PLEKHM3: variants seen among roughly 807,000 people sequenced by gnomAD.
The protein encoded by PLEKHM3 is pleckstrin homology domain-containing family M member 3.
A neutral mutation model predicts 81.8 loss-of-function variants in PLEKHM3; 45 were observed. The observed-to-expected ratio is 0.55, with a 90% confidence interval of 0.43 to 0.71. The LOEUF is 0.71. PLEKHM3 is among the 30% of genes least tolerant of loss of function. The pLI, the probability that PLEKHM3 is intolerant of heterozygous loss-of-function variation, is 0.00. For synonymous variants in PLEKHM3, 352 were observed against 356.4 expected, an observed-to-expected ratio of 0.99 and a Z score of 0.14; for missense variants, 788 against 924.3, an observed-to-expected ratio of 0.85 and a Z score of 1.91.
chr2:207,882,502 C>T (rs190487461), intron 6 of PLEKHM3, among the ~76,000 whole-genome samples: 27 of 151,680 alleles, frequency 1.8e-4, no homozygotes, highest in African/African-American at 6.5e-4. Flanking sequence ...ATCGCAGTTA[C>T]CCGGGAGGCT....
chr2:207,939,909 T>TA (rs1248303538), intron 4 of PLEKHM3, among the ~76,000 whole-genome samples: 1 of 152,168 alleles, frequency 6.6e-6, no homozygotes, highest in Non-Finnish European at 1.5e-5. Context: ...GCTAATTGCT[T>TA]AGGCAGCGTA....
chr2:207,828,305 C>T lies in PLEKHM3; in HGVS notation c.*14G>A, dbSNP rs374923594. On this transcript the variant is annotated 3_prime_UTR_variant, in exon 8 of 8. Coordinates refer to ENST00000427836, the MANE Select transcript of PLEKHM3 (RefSeq NM_001080475.3). ...TGTTGATTGGTGAATCCCTGGCCTTCGGGTCGGCTGGAGTCAGGTGTTCTG... is the reference window on the plus strand; with the variant it reads ...TGTTGATTGGTGAATCCCTGGCCTTTGGGTCGGCTGGAGTCAGGTGTTCTG... 70 of 1,600,222 alleles carry T rather than the reference C, an allele frequency of 4.4e-5. No individual in the cohort carries two copies. Among genetic ancestry groups the T allele is most frequent in the Non-Finnish European group, 5.4e-5 (63 of 1,172,000 alleles).
At chr2:207,883,081 C>T (rs933611794) in intron 6 of PLEKHM3, among the ~76,000 whole-genome samples, 2 of 152,262 alleles carry the variant, frequency 1.3e-5, no homozygotes, top group East Asian at 3.9e-4. Context: ...ATGCTCCACA[C>T]CTGTGACGTT....
At chr2:207,974,382 G>A (rs182106778) in intron 3 of PLEKHM3, among the ~76,000 whole-genome samples, 14 of 152,258 alleles carry the variant, frequency 9.2e-5, no homozygotes, top group Admixed American at 8.5e-4. Flanking sequence ...CAGAGCATGG[G>A]CAGTGCACAC....
At chr2:207,873,854 G>A (rs2092546944) in intron 6 of PLEKHM3, among the ~76,000 whole-genome samples, 1 of 152,196 alleles carries the variant, frequency 6.6e-6, no homozygotes, top group Non-Finnish European at 1.5e-5. Context: ...CCATTCCTGA[G>A]ATTAAATGAG....
intron 2 of PLEKHM3, among the ~76,000 whole-genome samples, chr2:207,995,014 A>G (rs1238368570): frequency 1.3e-5 from 2 of 152,180 alleles, no homozygotes; most frequent in African/African-American, 2.4e-5. Flanking sequence ...TGTATCACAG[A>G]ACTTAAAGCA....
intron 6 of PLEKHM3, among the ~76,000 whole-genome samples, chr2:207,872,735 G>A (rs1230844444): frequency 1.3e-5 from 2 of 152,152 alleles, no homozygotes; most frequent in Non-Finnish European, 2.9e-5. Flanking sequence ...AGCTACTCAG[G>A]AGAATCACTT....
intron 2 of PLEKHM3, among the ~76,000 whole-genome samples, chr2:207,999,900 T>A (rs1297260753): frequency 6.6e-6 from 1 of 152,230 alleles, no homozygotes; most frequent in Non-Finnish European, 1.5e-5. Flanking sequence ...GAAACTGAAG[T>A]AATACTAAAA....
At chr2:207,879,680 T>C (rs1177437297) in intron 6 of PLEKHM3, among the ~76,000 whole-genome samples, 1 of 152,184 alleles carries the variant, frequency 6.6e-6, no homozygotes, top group African/African-American at 2.4e-5. Context: ...AGGGGATGTG[T>C]GATTCCTGAG....
chr2:207,950,015 ATCAAC>A (rs1176930184), intron 3 of PLEKHM3, among the ~76,000 whole-genome samples: 2 of 152,328 alleles, frequency 1.3e-5, no homozygotes, highest in African/African-American at 4.8e-5. Flanking sequence ...ATGCTGGGGG[ATCAAC>A]TCAGTTAACT....
chr2:207,833,479 C>A (rs1575263387), intron 7 of PLEKHM3, among the ~76,000 whole-genome samples: 2 of 152,026 alleles, frequency 1.3e-5, no homozygotes, highest in South Asian at 2.1e-4. Context: ...CCAAAGTCAT[C>A]CAATGGGTTT....
chr2:207,901,111 A>G (rs1048685666), intron 6 of PLEKHM3: 28 of 614,362 alleles, frequency 4.6e-5, no homozygotes, highest in Non-Finnish European at 7.6e-5. Context: ...CCTTATCTCA[A>G]CTGAGCTCCT....
intron 2 of PLEKHM3, among the ~76,000 whole-genome samples, chr2:207,998,727 T>C (rs1057420334): frequency 8.5e-5 from 13 of 152,190 alleles, no homozygotes; most frequent in African/African-American, 2.7e-4. Flanking sequence ...TTACAGAGCC[T>C]AATGAAGGCT....
intron 2 of PLEKHM3, among the ~76,000 whole-genome samples, chr2:207,983,454 T>C (rs1326705946): frequency 6.6e-6 from 1 of 152,136 alleles, no homozygotes. Flanking sequence ...AATTATCTAA[T>C]ATCACAAATG....
chr2:207,954,550 G>A (rs575448702), intron 3 of PLEKHM3, among the ~76,000 whole-genome samples: 2 of 152,130 alleles, frequency 1.3e-5, no homozygotes, highest in South Asian at 2.1e-4. Context: ...GTATAATCAT[G>A]TATTAGTAGA....
In PLEKHM3 at chr2:207,946,399, T is replaced by C. The variant is rs773956649; in HGVS notation, c.1660A>G (p.Ile554Val). 9.9e-6 allele frequency: 16 copies of C among 1,614,102 alleles called. No individual in the cohort carries two copies. In the South Asian group the frequency reaches 1.4e-4, roughly 14 times the overall value. ...VDDSFLIPAR[I>V]VHNWDTSKYK... ...TTTGAAGTATCCCAGTTGTGGACTATGCGTGCTGGAATGAGAAAGCTGTCA... is the reference window on the plus strand; with the variant it reads ...TTTGAAGTATCCCAGTTGTGGACTACGCGTGCTGGAATGAGAAAGCTGTCA... Residue 554 changes from isoleucine (I) to valine (V), a missense_variant, in exon 4 of 8, where the codon ATA becomes GTA. Coordinates refer to ENST00000427836, the MANE Select transcript of PLEKHM3 (RefSeq NM_001080475.3).
At chr2:207,844,069 T>C (rs1380705105) in intron 7 of PLEKHM3, among the ~76,000 whole-genome samples, 1 of 151,070 alleles carries the variant, frequency 6.6e-6, no homozygotes, top group African/African-American at 2.4e-5. Context: ...GGCAGCAGAG[T>C]AAAACCCTGT....
intron 5 of PLEKHM3, among the ~76,000 whole-genome samples, chr2:207,926,961 C>T (rs1056513258): frequency 6.6e-6 from 1 of 152,168 alleles, no homozygotes; most frequent in South Asian, 2.1e-4. Flanking sequence ...TAACAGTTTG[C>T]TTTATTCTGT....
chr2:207,830,719 G>GGACACTTCTTCT (rs71036959), intron 7 of PLEKHM3, among the ~76,000 whole-genome samples: 94,242 of 145,010 alleles, frequency 0.65, 31,066 homozygotes, highest in African/African-American at 0.73. Context: ...AGTGTCCTTA[G>GGACACTTCTTCT]AAGTGTCCTA....
Sources: gnomAD v4.1 joint callset for allele counts (sites outside exome capture counted in the v4.1 genomes callset) on GRCh38, gnomAD v4.1.1 for gene constraint, MANE v1.5 for transcripts, NCBI Gene and HGNC (gene_info 2026-07-23, HGNC 2026-07-21) for gene names.